Variants in ETFRF1 observed in about 807,000 individuals in gnomAD.
ETFRF1 encodes electron transfer flavoprotein regulatory factor 1.
Under a neutral mutation model 9.0 loss-of-function variants are expected in ETFRF1, and 12 were observed. The ratio of observed to expected loss-of-function variants is 1.34; its 90% confidence interval spans 0.86 to 2.16. ETFRF1 has a LOEUF of 2.16. Among genes scored for constraint, ETFRF1 ranks in the 30% most tolerant of loss-of-function variants. The probability of loss-of-function intolerance (pLI) is 0.00; values close to 1 mark genes in which losing one functional copy is unlikely to be tolerated. For missense variants in ETFRF1, 98 were observed against 101.8 expected (o/e 0.96, Z 0.16); for synonymous variants, 34 against 33.2 (o/e 1.02, Z -0.08).
In ETFRF1 at chr12:25,195,405, T is replaced by C. The variant is rs541428914; in HGVS notation, c.-38+68T>C. 3 of 537,720 alleles carry C rather than the reference T, an allele frequency of 5.6e-6. No individual in the cohort carries two copies. In the Admixed American group the frequency reaches 9.5e-5, roughly 17 times the overall value. 33.3% of individuals were successfully genotyped at this position (537,720 alleles called of 1,614,324 possible). A position where few individuals can be genotyped will look rare whatever the true frequency, so the allele number is the denominator to read the frequency against. On this transcript the variant is annotated intron_variant, in intron 1 of 2. Transcript: ENST00000381356. Reference sequence around the variant, plus strand: ...GATCCTGGGGTCTGGAGGCGAAATATGCTCTGGGCGAGGACCACCGGGTGT... The same window carrying C: ...GATCCTGGGGTCTGGAGGCGAAATACGCTCTGGGCGAGGACCACCGGGTGT...
In ETFRF1 at chr12:25,204,246, GT is replaced by G; in HGVS notation, c.208del (p.Tyr70ThrfsTer9). 4 of 1,609,402 alleles carry G rather than the reference GT, an allele frequency of 2.5e-6. No homozygotes were observed. Among genetic ancestry groups the G allele is most frequent in the Non-Finnish European group, 3.4e-6 (4 of 1,178,600 alleles). On this transcript the variant is annotated frameshift_variant, in exon 3 of 3. Transcript: ENST00000381356. ...EFVMKELEALYFLRKYRAMKQ... is the reference protein window; with the variant it reads ...EFVMKELEALXFLRKYRAMKQ... The stretch of plus-strand genomic sequence containing the variant: ...TTGTAATGAAAGAGCTAGAAGCTTT[GT>G]ACTTCCTTAGGAAATACAGAGCTAT...
intron 1 of ETFRF1, 87 bp downstream of exon 1, chr12:25,195,424 C>G: frequency 2.0e-6 from 1 of 500,460 alleles, no homozygotes; most frequent in South Asian, 2.1e-5. Context: ...CGAGGACCAC[C>G]GGGTGTGGGA....
chr12:25,203,392 C>CTT (rs1300809601), intron 1 of ETFRF1, among the ~76,000 whole-genome samples: 1 of 152,202 alleles, frequency 6.6e-6, no homozygotes, highest in Non-Finnish European at 1.5e-5. Context: ...TTCCAACCTG[C>CTT]TTAACTCACC....
intron 1 of ETFRF1, among the ~76,000 whole-genome samples, chr12:25,199,030 T>G (rs1185619445): frequency 6.6e-6 from 1 of 152,176 alleles, no homozygotes; most frequent in African/African-American, 2.4e-5. Flanking sequence ...CTTAGCTCTG[T>G]TCTTAGACTT....
intron 1 of ETFRF1, among the ~76,000 whole-genome samples, chr12:25,199,588 A>T (rs1951057776): frequency 6.7e-6 from 1 of 149,828 alleles, no homozygotes; most frequent in Non-Finnish European, 1.5e-5. Context: ...TACTAATTAT[A>T]TAGATTTGTA....
chr12:25,203,889 G>C (rs1951099021), intron 1 of ETFRF1, 31 bp from the exon 2 acceptor site: 2 of 1,261,928 alleles, frequency 1.6e-6, no homozygotes, highest in Admixed American at 6.7e-5. Flanking sequence ...CTACAATGCA[G>C]CTAATTGCAA....
intron 1 of ETFRF1, among the ~76,000 whole-genome samples, chr12:25,197,153 C>CA (rs141032804): frequency 0.066 from 8,437 of 127,450 alleles, 543 homozygotes; most frequent in African/African-American, 0.16. Flanking sequence ...GACTCCGTCT[C>CA]AAAAAAAAAA....
At chr12:25,200,915 C>CT (rs1388896347) in intron 1 of ETFRF1, among the ~76,000 whole-genome samples, 2 of 152,192 alleles carry the variant, frequency 1.3e-5, no homozygotes, top group Non-Finnish European at 2.9e-5. Flanking sequence ...CAGCATGACT[C>CT]ACATTGATGG....
Position 25,204,969 on chromosome 12 carries a change from C to A in ETFRF1, c.*657C>A. On this transcript the variant is annotated 3_prime_UTR_variant, in exon 3 of 3. Transcript: ENST00000381356. ...TAAAACCAAGTCACCTGTTGTGTAT[C>A]AATTACCTTCTTTGATAAAAGGAAA... 1 of 204,016 alleles carries A rather than the reference C, an allele frequency of 4.9e-6. No homozygotes were observed. The highest frequency in any genetic ancestry group is 1.0e-5 in the Non-Finnish European group (1 of 99,062). 12.6% of individuals were successfully genotyped at this position (204,016 alleles called of 1,614,324 possible).
chr12:25,199,600 A>ATATACATATATG (rs1248910412), intron 1 of ETFRF1, among the ~76,000 whole-genome samples: 8 of 146,598 alleles, frequency 5.5e-5, no homozygotes, highest in South Asian at 2.1e-4. Context: ...AGATTTGTAT[A>ATATACATATATG]TATACATATA....
intron 1 of ETFRF1, chr12:25,196,140 G>A (rs967904810): frequency 3.3e-5 from 5 of 152,154 alleles, no homozygotes; most frequent in African/African-American, 1.2e-4. Context: ...TAGTCTTTGT[G>A]GGTTAAAGTG....
At chr12:25,198,030 A>C (rs941259529) in intron 1 of ETFRF1, among the ~76,000 whole-genome samples, 3 of 152,318 alleles carry the variant, frequency 2.0e-5, no homozygotes, top group African/African-American at 7.2e-5. Flanking sequence ...AGAAAAACCC[A>C]ATTCACTCTG....
intron 1 of ETFRF1, chr12:25,196,006 G>A (rs1377033546): frequency 6.6e-6 from 1 of 152,144 alleles, no homozygotes; most frequent in Non-Finnish European, 1.5e-5. Flanking sequence ...AGCATTATGA[G>A]ACCTGAAATA....
chr12:25,195,716 T>A (rs953806055), intron 1 of ETFRF1: 2 of 152,900 alleles, frequency 1.3e-5, no homozygotes, highest in African/African-American at 4.8e-5. Flanking sequence ...AGCGTACGCG[T>A]CCTTTTTCCT....
intron 1 of ETFRF1, among the ~76,000 whole-genome samples, chr12:25,199,269 CTATA>C (rs1187700657): frequency 6.7e-6 from 1 of 148,456 alleles, no homozygotes; most frequent in Non-Finnish European, 1.5e-5. Context: ...GTACTATATA[CTATA>C]TATATCTACT....
At chr12:25,202,228 A>C (rs1005461655) in intron 1 of ETFRF1, among the ~76,000 whole-genome samples, 4 of 151,646 alleles carry the variant, frequency 2.6e-5, no homozygotes, top group African/African-American at 7.3e-5. Flanking sequence ...GCAAGAATCC[A>C]TCTCAAAAAA....
chr12:25,197,913 T>C (rs1673265122), intron 1 of ETFRF1, among the ~76,000 whole-genome samples: 1 of 152,058 alleles, frequency 6.6e-6, no homozygotes, highest in African/African-American at 2.4e-5. Context: ...AACTACTAAA[T>C]CTACAGTAAA....
intron 1 of ETFRF1, among the ~76,000 whole-genome samples, chr12:25,199,285 T>C (rs144199525): frequency 0.012 from 1,727 of 148,972 alleles, 33 homozygotes; most frequent in African/African-American, 0.04. Context: ...ATATCTACTA[T>C]ATACTACGTA....
At chr12:25,203,382 T>G (rs945310099) in intron 1 of ETFRF1, among the ~76,000 whole-genome samples, 2 of 152,224 alleles carry the variant, frequency 1.3e-5, no homozygotes, top group African/African-American at 4.8e-5. Context: ...CCATCTACTA[T>G]TCCAACCTGC....
Sources: gnomAD v4.1 joint callset for allele counts (sites outside exome capture counted in the v4.1 genomes callset) on GRCh38, gnomAD v4.1.1 for gene constraint, MANE v1.5 for transcripts, NCBI Gene and HGNC (gene_info 2026-07-23, HGNC 2026-07-21) for gene names.